Variants in EPB41L4A observed in about 807,000 individuals in gnomAD.
EPB41L4A encodes the protein band 4.1-like protein 4A.
A neutral mutation model predicts 108.6 loss-of-function variants in EPB41L4A; 100 were observed. The ratio of observed to expected loss-of-function variants is 0.92; its 90% CI spans 0.78 to 1.09. EPB41L4A has a LOEUF of 1.09. Among genes scored for constraint, EPB41L4A ranks in the 50% least tolerant of loss-of-function variants. The pLI, the probability that EPB41L4A is intolerant of heterozygous loss-of-function variation, is 0.00. For missense variants in EPB41L4A, 1,030 were observed against 842.7 expected (o/e 1.22, Z -2.75); for synonymous variants, 319 against 289.0 (o/e 1.10, Z -1.05).
chr5:112,294,387 T>C (rs115861364), intron 2 of EPB41L4A, among the ~76,000 whole-genome samples: 2 of 152,208 alleles, frequency 1.3e-5, no homozygotes, highest in Non-Finnish European at 2.9e-5. Context: ...ACATTACAGA[T>C]CACTTGTTTT....
At chr5:112,281,543 A>AC (rs1328217342) in intron 2 of EPB41L4A, among the ~76,000 whole-genome samples, 3 of 151,584 alleles carry the variant, frequency 2.0e-5, no homozygotes, top group African/African-American at 7.3e-5. Flanking sequence ...GATGCTGGGG[A>AC]CCCCCAGGGC....
At position 112,168,776 on chromosome 5, in the gene EPB41L4A, G is replaced by C. The variant is rs368861569; in HGVS notation, c.1895C>G (p.Ser632Trp). 3 of 1,613,964 alleles carry C rather than the reference G, an allele frequency of 1.9e-6. No individual in the cohort carries two copies. Among genetic ancestry groups the C allele is most frequent in the Non-Finnish European group, 2.5e-6 (3 of 1,179,974 alleles). Reference protein sequence around the residue: ...LVPPLPVTRSSDAQGSGDATV... With the variant: ...LVPPLPVTRSWDAQGSGDATV... ...AGCATCCCCAGAACCCTGAGCATCC[G>C]AAGAACGGGTCACCGGAAGTGGTGG... Residue 632 changes from serine (S) to tryptophan (W), a missense_variant, in exon 22 of 23, where the codon TCG (serine) becomes TGG (tryptophan). Ser to Trp is a radical substitution (Grantham distance 177). Transcript: ENST00000261486.
chr5:112,367,975 A>G (rs1331968381), intron 1 of EPB41L4A, among the ~76,000 whole-genome samples: 1 of 152,214 alleles, frequency 6.6e-6, no homozygotes, highest in Non-Finnish European at 1.5e-5. Flanking sequence ...AGATGAAGCA[A>G]ATGATTTAAT....
intron 1 of EPB41L4A, among the ~76,000 whole-genome samples, chr5:112,357,073 G>A (rs941322719): frequency 1.3e-5 from 2 of 152,146 alleles, no homozygotes; most frequent in African/African-American, 4.8e-5. Flanking sequence ...AAGATAGACT[G>A]CAGCACAAAC....
At chr5:112,360,767 G>C (rs1042995103) in intron 1 of EPB41L4A, among the ~76,000 whole-genome samples, 2 of 151,958 alleles carry the variant, frequency 1.3e-5, no homozygotes, top group African/African-American at 4.8e-5. Context: ...CTTCCCGGTC[G>C]TCATCCCGTC....
At chr5:112,360,752 C>T (rs1375258668) in intron 1 of EPB41L4A, among the ~76,000 whole-genome samples, 4 of 152,058 alleles carry the variant, frequency 2.6e-5, no homozygotes, top group African/African-American at 7.2e-5. Context: ...AAGTGAGGAG[C>T]GCCTCTTCCC....
chr5:112,239,147 T>C (rs1749585582), intron 11 of EPB41L4A, among the ~76,000 whole-genome samples: 1 of 152,136 alleles, frequency 6.6e-6, no homozygotes, highest in African/African-American at 2.4e-5. Flanking sequence ...AATGAAGCAA[T>C]GAATGGAAAA....
At chr5:112,215,797 A>C (rs1043998057) in intron 12 of EPB41L4A, among the ~76,000 whole-genome samples, 12 of 151,818 alleles carry the variant, frequency 7.9e-5, no homozygotes, top group Admixed American at 1.3e-4. Context: ...CAAAAAAAAA[A>C]CAGACAAAGC....
intron 9 of EPB41L4A, among the ~76,000 whole-genome samples, chr5:112,256,252 GAACT>G (rs145559662): frequency 0.015 from 2,349 of 152,122 alleles, 57 homozygotes; most frequent in African/African-American, 0.053. Flanking sequence ...CTAAAACCAA[GAACT>G]AACACATAGT....
chr5:112,161,175 C>A, downstream of EPB41L4A: 1 of 218,476 alleles, frequency 4.6e-6, no homozygotes, highest in Non-Finnish European at 9.6e-6. Context: ...GTGAAAAGGC[C>A]TTACCGTATA....
chr5:112,282,879 G>A (rs1267958702), intron 2 of EPB41L4A, among the ~76,000 whole-genome samples: 1 of 151,880 alleles, frequency 6.6e-6, no homozygotes, highest in Non-Finnish European at 1.5e-5. Flanking sequence ...GACAACCTTT[G>A]TAATTTTTTT....
At chr5:112,360,792 C>A (rs1315413551) in intron 1 of EPB41L4A, among the ~76,000 whole-genome samples, 1 of 151,824 alleles carries the variant, frequency 6.6e-6, no homozygotes, top group Non-Finnish European at 1.5e-5. Flanking sequence ...AAGTGAAGAG[C>A]GTCTCTGCCC....
intron 2 of EPB41L4A, 41 bp downstream of exon 2, chr5:112,307,345 T>A (rs1462421622): frequency 7.2e-7 from 1 of 1,383,956 alleles, no homozygotes; most frequent in South Asian, 1.2e-5. Flanking sequence ...TAGAGTGAAA[T>A]TTATAACCAG....
At chr5:112,363,964 T>G (rs1468836606) in intron 1 of EPB41L4A, among the ~76,000 whole-genome samples, 1 of 152,218 alleles carries the variant, frequency 6.6e-6, no homozygotes, top group Non-Finnish European at 1.5e-5. Flanking sequence ...GTAAATTCAG[T>G]ATCAACTCTA....
intron 3 of EPB41L4A, among the ~76,000 whole-genome samples, chr5:112,278,424 G>T (rs991509348): frequency 6.6e-6 from 1 of 151,616 alleles, no homozygotes; most frequent in South Asian, 2.1e-4. Flanking sequence ...GCTAATTTTT[G>T]TATTTTTAGC....
chr5:112,378,100 C>T (rs182917078), intron 1 of EPB41L4A, among the ~76,000 whole-genome samples: 6 of 152,196 alleles, frequency 3.9e-5, no homozygotes, highest in South Asian at 4.2e-4. Flanking sequence ...TCCATCTGCA[C>T]GGAGAAATTT....
chr5:112,369,121 C>T (rs1389908041), intron 1 of EPB41L4A, among the ~76,000 whole-genome samples: 1 of 152,202 alleles, frequency 6.6e-6, no homozygotes. Flanking sequence ...TTAGCCACCA[C>T]AAGTCTCTTG....
At chr5:112,350,323 G>T (rs1317500884) in intron 1 of EPB41L4A, among the ~76,000 whole-genome samples, 3 of 152,034 alleles carry the variant, frequency 2.0e-5, no homozygotes, top group Non-Finnish European at 4.4e-5. Context: ...TAATTAGTTG[G>T]GCATGTCCTA....
chr5:112,168,759 C>T lies in EPB41L4A; in HGVS notation c.1912G>A (p.Gly638Arg), dbSNP rs868429825. Reference sequence around the variant, plus strand: ...CTAACCTGATGAACTGTAGCATCCCCAGAACCCTGAGCATCCGAAGAACGG... The same window carrying T: ...CTAACCTGATGAACTGTAGCATCCCTAGAACCCTGAGCATCCGAAGAACGG... Reference protein sequence around the residue: ...VTRSSDAQGSGDATVHQRRNG... With the variant: ...VTRSSDAQGSRDATVHQRRNG... The change falls in exon 22 of 23, where the codon GGG becomes AGG. Residue 638 changes from glycine (G) to arginine (R), a missense_variant. By Grantham distance (125) the Gly-to-Arg change is moderately radical. Coordinates refer to ENST00000261486, the MANE Select transcript of EPB41L4A (RefSeq NM_022140.5). 6.2e-7 allele frequency: 1 copy of T among 1,613,842 alleles called. No homozygotes were observed. The highest frequency in any genetic ancestry group is 8.5e-7 in the Non-Finnish European group (1 of 1,179,838).
Sources: gnomAD v4.1 joint callset for allele counts (sites outside exome capture counted in the v4.1 genomes callset) on GRCh38, gnomAD v4.1.1 for gene constraint, MANE v1.5 for transcripts, NCBI Gene and HGNC (gene_info 2026-07-23, HGNC 2026-07-21) for gene names.